Variants in NEUROG1 observed in about 807,000 individuals in gnomAD.
NEUROG1 encodes neurogenin-1.
In NEUROG1, 5 loss-of-function variants were observed where a neutral mutation model predicts 5.7. That is an observed-to-expected ratio of 0.88 (90% CI 0.46 to 1.85). The LOEUF (loss-of-function observed/expected upper bound fraction) is 1.85, where lower values mean the gene tolerates loss of function less well. NEUROG1 is among the 40% of genes most tolerant of loss of function. The probability of loss-of-function intolerance (pLI) is 0.01; values close to 1 mark genes in which losing one functional copy is unlikely to be tolerated. For missense variants in NEUROG1, 403 were observed against 345.7 expected (o/e 1.17, Z -1.32); for synonymous variants, 196 against 157.4 (o/e 1.25, Z -1.84).
In NEUROG1 at chr5:135,535,964, C is replaced by A. The variant is rs1750537714; in HGVS notation, c.-274G>T. Reference sequence around the variant, plus strand: ...CAGCTCGTGTGAGCACCGAGTGTGGCACACGACTGGCCTCAGGACCCCTTA... The same window carrying A: ...CAGCTCGTGTGAGCACCGAGTGTGGAACACGACTGGCCTCAGGACCCCTTA... On this transcript the variant is annotated 5_prime_UTR_variant, in exon 1 of 1. Transcript: ENST00000314744. 8.0e-6 allele frequency: 3 copies of A among 373,710 alleles called. No individual in the cohort carries two copies. Among genetic ancestry groups the A allele is most frequent in the Admixed American group, 9.3e-5 (2 of 21,392 alleles). The allele number at this position is 373,710 out of a possible 1,614,324, so 23.1% of individuals were successfully genotyped here.
chr5:135,535,704 AG>A lies in NEUROG1; in HGVS notation c.-15del, dbSNP rs768586700. 7.3e-6 allele frequency: 11 copies of A among 1,514,716 alleles called. No individual in the cohort carries two copies. In the African/African-American group the frequency reaches 1.4e-4, roughly 20 times the overall value. The allele number at this position is 1,514,716 out of a possible 1,614,324, so 93.8% of individuals were successfully genotyped here. On this transcript the variant is annotated 5_prime_UTR_variant, in exon 1 of 1. Transcript: ENST00000314744. ...GCGGGCTGGCATCGTTGCGCTGTGC[AG>A]GACCGACGGACAGATAGAAAGGCGC... is the stretch of plus-strand genomic sequence containing the variant.
chr5:135,535,730 C>T lies in NEUROG1; in HGVS notation c.-40G>A. 1 of 1,480,294 alleles carries T rather than the reference C, an allele frequency of 6.8e-7. No homozygotes were observed. The highest frequency in any genetic ancestry group is 9.0e-7 in the Non-Finnish European group (1 of 1,116,496). 91.7% of individuals were successfully genotyped at this position (1,480,294 alleles called of 1,614,324 possible). A position where few individuals can be genotyped will look rare whatever the true frequency, so the allele number is the denominator to read the frequency against. On this transcript the variant is annotated 5_prime_UTR_variant, in exon 1 of 1. Transcript: ENST00000314744. ...GGACCGACGGACAGATAGAAAGGCG[C>T]TCAGAGCGCTGCAGCCCGGACTGAG...
chr5:135,535,383 T>C lies in NEUROG1; in HGVS notation c.308A>G (p.Asn103Ser), dbSNP rs777262419. 4.3e-6 allele frequency: 7 copies of C among 1,611,644 alleles called. No homozygotes were observed. Among genetic ancestry groups the C allele is most frequent in the Non-Finnish European group, 5.9e-6 (7 of 1,178,948 alleles). Residue 103 changes from asparagine to serine, a missense_variant, in exon 1 of 1, where the codon AAC becomes AGC. Transcript: ENST00000314744. ...RRVKANDRER[N>S]RMHNLNAALD... is the part of the protein sequence containing the mutation. ...GGCCGCGTTCAAGTTGTGCATGCGG[T>C]TGCGCTCGCGATCGTTGGCCTTGAC...
chr5:135,535,033 G>A lies in NEUROG1; in HGVS notation c.658C>T (p.Pro220Ser). ...TGGAGCAAGTCTTTGGGCAGGCTTGGGAAGGAGAAAACAGGGTCGCCGGGG... is the reference window on the plus strand; with the variant it reads ...TGGAGCAAGTCTTTGGGCAGGCTTGAGAAGGAGAAAACAGGGTCGCCGGGG... ...YRPGDPVFSF[P>S]SLPKDLLHTT... Residue 220 changes from proline to serine, a missense_variant, in exon 1 of 1, where the codon CCA becomes TCA. By Grantham distance (74) the Pro-to-Ser change is moderately conservative. Transcript: ENST00000314744. 1 of 1,614,090 alleles carries A rather than the reference G, an allele frequency of 6.2e-7. No homozygotes were observed.
In NEUROG1 at chr5:135,535,137, G is replaced by A. The variant is rs761085903; in HGVS notation, c.554C>T (p.Ser185Phe). 6.2e-7 allele frequency: 1 copy of A among 1,609,520 alleles called. No individual in the cohort carries two copies. Among genetic ancestry groups the A allele is most frequent in the East Asian group, 2.2e-5 (1 of 44,758 alleles). ...GGCGGCGGCGGCACCTGAGCCCCAG[G>A]ACTCCGCGTCGCTGGCGGGGCTTGG... is the stretch of plus-strand genomic sequence containing the variant. Reference protein sequence around the residue: ...GPPSPASDAESWGSGAAAASP... With the variant: ...GPPSPASDAEFWGSGAAAASP... Residue 185 changes from serine to phenylalanine, a missense_variant, in exon 1 of 1, where the codon TCC (serine) becomes TTC (phenylalanine). Ser to Phe is a radical substitution (Grantham distance 155). Transcript: ENST00000314744.
Position 135,535,798 on chromosome 5 carries a change from G to C in NEUROG1, c.-108C>G. The C allele has an allele frequency of 9.3e-7, 1 of 1,080,362 alleles. No individual in the cohort carries two copies. Among genetic ancestry groups the C allele is most frequent in the Non-Finnish European group, 1.3e-6 (1 of 772,312 alleles). The allele number at this position is 1,080,362 out of a possible 1,614,324, so 66.9% of individuals were successfully genotyped here. A position where few individuals can be genotyped will look rare whatever the true frequency, so the allele number is the denominator to read the frequency against. ...GCACTTACGTTCCCAACAGCCTGGGGTTGTTACTCTGTGCCAGTTGCGGGT... is the reference window on the plus strand; with the variant it reads ...GCACTTACGTTCCCAACAGCCTGGGCTTGTTACTCTGTGCCAGTTGCGGGT... On this transcript the variant is annotated 5_prime_UTR_variant, in exon 1 of 1. Transcript: ENST00000314744.
Position 135,534,976 on chromosome 5 carries a change from C to T in NEUROG1, c.*1G>A, listed in dbSNP as rs780490875. ...GGAAAGTAACAGTGTCTACAAAGGG[C>T]CTAGTGGTAAGGAATGAAACAGGGC... On this transcript the variant is annotated 3_prime_UTR_variant, in exon 1 of 1. Coordinates refer to ENST00000314744, the MANE Select transcript of NEUROG1 (RefSeq NM_006161.3). 1 of 1,612,910 alleles carries T rather than the reference C, an allele frequency of 6.2e-7. No individual in the cohort carries two copies. The highest frequency in any genetic ancestry group is 1.7e-5 in the Admixed American group (1 of 59,928).
At position 135,535,561 on chromosome 5, in the gene NEUROG1, G is replaced by T; in HGVS notation, c.130C>A (p.Pro44Thr). ...RLQQAASASGPPAPARRGAPN... is the reference protein window; with the variant it reads ...RLQQAASASGTPAPARRGAPN... Reference sequence around the variant, plus strand: ...GCGCCCCTGCGGGCCGGCGCGGGCGGCCCCGAAGCGGAGGCTGCCTGTTGG... The same window carrying T: ...GCGCCCCTGCGGGCCGGCGCGGGCGTCCCCGAAGCGGAGGCTGCCTGTTGG... The change falls in exon 1 of 1, where the codon CCG becomes ACG. Residue 44 changes from proline (P) to threonine (T), a missense_variant. By Grantham distance (38) the Pro-to-Thr change is conservative. Coordinates refer to ENST00000314744, the MANE Select transcript of NEUROG1 (RefSeq NM_006161.3). The T allele has an allele frequency of 6.3e-7, 1 of 1,577,060 alleles. No homozygotes were observed. Among genetic ancestry groups the T allele is most frequent in the Non-Finnish European group, 8.6e-7 (1 of 1,168,218 alleles).
At position 135,535,418 on chromosome 5, in the gene NEUROG1, C is replaced by G; in HGVS notation, c.273G>C (p.Arg91Ser). Residue 91 changes from arginine to serine, a missense_variant, in exon 1 of 1, where the codon AGG becomes AGC. Physicochemically the swap from Arg to Ser is moderately radical, Grantham distance 110 (BLOSUM62 -1). Transcript: ENST00000314744. ...RSEALLHSLR[R>S]SRRVKANDRE... ...GATCGTTGGCCTTGACGCGCCGGCT[C>G]CTGCGCAGCGAGTGCAGCAGCGCCT... is the stretch of plus-strand genomic sequence containing the variant. 15 of 1,599,352 alleles carry G rather than the reference C, an allele frequency of 9.4e-6. No individual in the cohort carries two copies. The highest frequency in any genetic ancestry group is 1.3e-5 in the Non-Finnish European group (15 of 1,173,658).
Position 135,535,655 on chromosome 5 carries a change from G to C in NEUROG1, c.36C>G (p.Leu12=), listed in dbSNP as rs1409097504. Residue 12 remains leucine, a synonymous_variant, in exon 1 of 1, where the codon CTC becomes CTG. Coordinates refer to ENST00000314744, the MANE Select transcript of NEUROG1 (RefSeq NM_006161.3). ...CACTGCCGCTGCTGCTGGCGCAGTC[G>C]AGGTCGGAGATGCAGGTCTCAAGGC... The part of the protein sequence containing the change: ...PARLETCISD[L]DCASSSGSDL... 2 of 1,580,636 alleles carry C rather than the reference G, an allele frequency of 1.3e-6. No homozygotes were observed. Among genetic ancestry groups the C allele is most frequent in the South Asian group, 2.3e-5 (2 of 86,524 alleles).
chr5:135,535,611 G>A lies in NEUROG1; in HGVS notation c.80C>T (p.Thr27Ile), dbSNP rs150467271. Residue 27 changes from threonine to isoleucine, a missense_variant, in exon 1 of 1, where the codon ACC (threonine) becomes ATC (isoleucine). Physicochemically the swap from Thr to Ile is moderately conservative, Grantham distance 89. Transcript: ENST00000314744. Reference protein sequence around the residue: ...SSGSDLSGFLTDEEDCARLQQ... With the variant: ...SSGSDLSGFLIDEEDCARLQQ... ...GAGTCTGGCACAGTCTTCCTCGTCGGTGAGGAAGCCGGATAGGTCACTGCC... is the reference window on the plus strand; with the variant it reads ...GAGTCTGGCACAGTCTTCCTCGTCGATGAGGAAGCCGGATAGGTCACTGCC... 3.9e-4 allele frequency: 622 copies of A among 1,596,292 alleles called. 1 individual carries two copies. In the African/African-American group the frequency reaches 7.4e-3, roughly 19 times the overall value.
Position 135,535,427 on chromosome 5 carries a change from C to G in NEUROG1, c.264G>C (p.Ser88=). The G allele has an allele frequency of 6.3e-7, 1 of 1,595,222 alleles. No homozygotes were observed. Among genetic ancestry groups the G allele is most frequent in the Non-Finnish European group, 8.5e-7 (1 of 1,171,700 alleles). The change falls in exon 1 of 1, where the codon TCG becomes TCC. Residue 88 remains serine (S), a synonymous_variant. Transcript: ENST00000314744. ...TRVRSEALLH[S]LRRSRRVKAN... ...CCTTGACGCGCCGGCTCCTGCGCAG[C>G]GAGTGCAGCAGCGCCTCGGAGCGGA...
At position 135,535,849 on chromosome 5, in the gene NEUROG1, C is replaced by T. The variant is rs1750535031; in HGVS notation, c.-159G>A. On this transcript the variant is annotated 5_prime_UTR_variant, in exon 1 of 1. Transcript: ENST00000314744. ...GCGAGAGCCTGGAAGGGTGCAGGGG[C>T]GCACGGAGAACTTGGCCTGGCCTCC... 9.5e-6 allele frequency: 6 copies of T among 634,742 alleles called. No homozygotes were observed. Among genetic ancestry groups the T allele is most frequent in the Non-Finnish European group, 1.3e-5 (5 of 399,930 alleles). 39.3% of individuals were successfully genotyped at this position (634,742 alleles called of 1,614,324 possible).
rs1750495041 is a variant in NEUROG1 at position 135,534,734 on chromosome 5, T to G, written c.*243A>C. On this transcript the variant is annotated 3_prime_UTR_variant, in exon 1 of 1. Transcript: ENST00000314744. ...AGGAGGTTTTGTGGAGTTCAGAAAGTGCAAAAGGAAAGGCCGTCTAGGGGC... is the reference window on the plus strand; with the variant it reads ...AGGAGGTTTTGTGGAGTTCAGAAAGGGCAAAAGGAAAGGCCGTCTAGGGGC... 3.7e-6 allele frequency: 2 copies of G among 534,310 alleles called. No homozygotes were observed. Among genetic ancestry groups the G allele is most frequent in the South Asian group, 4.9e-5 (2 of 40,426 alleles). The allele number at this position is 534,310 out of a possible 1,614,324, so 33.1% of individuals were successfully genotyped here.
chr5:135,535,076 G>C lies in NEUROG1; in HGVS notation c.615C>G (p.Ser205=), dbSNP rs970118141. Residue 205 remains serine, a synonymous_variant, in exon 1 of 1, where the codon TCC becomes TCG. Transcript: ENST00000314744. ...PLSDPSSPAA[S]EDFTYRPGDP... ...CGCCGGGGCGGTAGGTGAAGTCTTC[G>C]GAGGCGGCTGGGCTACTGGGGTCAG... 18 of 1,613,626 alleles carry C rather than the reference G, an allele frequency of 1.1e-5. No individual in the cohort carries two copies. The highest frequency in any genetic ancestry group is 1.1e-5 in the Non-Finnish European group (13 of 1,179,878).
chr5:135,535,625 T>G lies in NEUROG1; in HGVS notation c.66A>C (p.Leu22=). 7 of 1,594,932 alleles carry G rather than the reference T, an allele frequency of 4.4e-6. No homozygotes were observed. Among genetic ancestry groups the G allele is most frequent in the Non-Finnish European group, 6.0e-6 (7 of 1,175,718 alleles). The change falls in exon 1 of 1, where the codon CTA becomes CTC. Residue 22 remains leucine, a synonymous_variant. Transcript: ENST00000314744. ...CTTCCTCGTCGGTGAGGAAGCCGGA[T>G]AGGTCACTGCCGCTGCTGCTGGCGC... ...LDCASSSGSD[L]SGFLTDEEDC...
At position 135,535,225 on chromosome 5, in the gene NEUROG1, G is replaced by GC; in HGVS notation, c.465dup (p.Pro156AlafsTer43). The GC allele has an allele frequency of 6.2e-7, 1 of 1,612,560 alleles. No homozygotes were observed. The highest frequency in any genetic ancestry group is 8.5e-7 in the Non-Finnish European group (1 of 1,179,438). ...AGGCGCTCCCGGGCACCGCCTCCGG[G>GC]CAGCCCTTGATCCGCCAGGCGCAGT... On this transcript the variant is annotated frameshift_variant, in exon 1 of 1. Coordinates refer to ENST00000314744, the MANE Select transcript of NEUROG1 (RefSeq NM_006161.3). LOFTEE classifies it high-confidence loss of function.
At position 135,535,489 on chromosome 5, in the gene NEUROG1, C is replaced by A. The variant is rs748453696; in HGVS notation, c.202G>T (p.Glu68Ter). ...CCGCGGCGCCGCCGCCTCTCCTGCT[C>A]GTCGTCCTGTGCCCCTGGAACCTCA... is the stretch of plus-strand genomic sequence containing the variant. ...ASEVPGAQDD[E>*]QERRRRRGRT... is the part of the protein sequence containing the mutation. The change falls in exon 1 of 1, where the codon GAG (glutamate) becomes TAG (stop). Residue 68 changes from glutamate (E) to a stop codon, truncating the protein, a stop_gained. Coordinates refer to ENST00000314744, the MANE Select transcript of NEUROG1 (RefSeq NM_006161.3). LOFTEE classifies it high-confidence loss of function. The A allele has an allele frequency of 3.8e-6, 6 of 1,572,576 alleles. No homozygotes were observed. In the Admixed American group the frequency reaches 5.4e-5, roughly 14 times the overall value.
chr5:135,535,535 C>G lies in NEUROG1; in HGVS notation c.156G>C (p.Ala52=). The G allele has an allele frequency of 6.4e-7, 1 of 1,571,074 alleles. No individual in the cohort carries two copies. Among genetic ancestry groups the G allele is most frequent in the Non-Finnish European group, 8.6e-7 (1 of 1,165,724 alleles). Residue 52 remains alanine, a synonymous_variant, in exon 1 of 1, where the codon GCG becomes GCC. Transcript: ENST00000314744. ...SGPPAPARRG[A]PNISRASEVP... is the part of the protein sequence containing the mutation. ...CCTCAGACGCCCGGGAGATATTGGG[C>G]GCGCCCCTGCGGGCCGGCGCGGGCG...
Sources: gnomAD v4.1 joint callset for allele counts on GRCh38, gnomAD v4.1.1 for gene constraint, MANE v1.5 for transcripts, NCBI Gene and HGNC (gene_info 2026-07-23, HGNC 2026-07-21) for gene names.